The following NOP53 variants were observed in gnomAD, a reference collection of about 807,000 sequenced individuals.
NOP53 encodes the protein ribosome biogenesis protein NOP53.
NOP53 carries 40 observed loss-of-function variants against 61.0 expected under a neutral mutation model. That is an observed-to-expected ratio of 0.66 (90% CI 0.51 to 0.85). The LOEUF is 0.85. Among genes scored for constraint, NOP53 ranks in the 40% least tolerant of loss-of-function variants. The pLI is 0.00. For missense variants in NOP53, 689 were observed against 652.9 expected, an observed-to-expected ratio of 1.06 and a Z score of -0.60; for synonymous variants, 308 against 289.5, an observed-to-expected ratio of 1.06 and a Z score of -0.65.
chr19:47,746,619 G>A (rs527960807), intron 1 of NOP53: 3 of 176,562 alleles, frequency 1.7e-5, no homozygotes, highest in Non-Finnish European at 2.4e-5. Flanking sequence ...CACCCGCCCC[G>A]GCCCCCTAAG....
intron 2 of NOP53, among the ~76,000 whole-genome samples, chr19:47,747,941 C>T (rs144068702): frequency 0.019 from 2,830 of 151,764 alleles, 91 homozygotes; most frequent in African/African-American, 0.065. Context: ...CCACCATGCC[C>T]GGCTAATTTT....
intron 4 of NOP53, 69 bp from the exon 5 acceptor site, chr19:47,751,451 T>TGG: frequency 1.7e-6 from 2 of 1,209,946 alleles, no homozygotes; most frequent in South Asian, 1.2e-5. Flanking sequence ...GTGGAGGGAT[T>TGG]GGGGGGGAGC....
At position 47,754,537 on chromosome 19, in the gene NOP53, C is replaced by A; in HGVS notation, c.776C>A (p.Ser259Ter). 3.9e-6 allele frequency: 6 copies of A among 1,550,392 alleles called. No individual in the cohort carries two copies. Among genetic ancestry groups the A allele is most frequent in the Non-Finnish European group, 5.2e-6 (6 of 1,147,456 alleles). The change falls in exon 7 of 13, where the codon TCA becomes TAA. Residue 259 changes from serine to a stop codon, truncating the protein, a stop_gained. Coordinates refer to ENST00000246802, the MANE Select transcript of NOP53 (RefSeq NM_015710.5). LOFTEE classifies it high-confidence loss of function. The surrounding 1 kb of genome is among the most constrained non-coding windows in gnomAD (Gnocchi z 4.2). ...ACTCCCGCCCCTCAGACCCTGCTCT[C>A]AGCGGCCCACGAGGTGGAGTTGCAG... The part of the protein sequence containing the change: ...PSFEDHQTLL[S>*]AAHEVELQRQ...
intron 9 of NOP53, 47 bp downstream of exon 9, chr19:47,755,570 G>C: frequency 6.9e-7 from 1 of 1,444,868 alleles, no homozygotes; most frequent in Non-Finnish European, 9.2e-7. Flanking sequence ...GAGGGGGCCG[G>C]GTCCCAGGTC....
intron 4 of NOP53, 142 bp downstream of exon 4, chr19:47,751,249 T>A: frequency 1.3e-6 from 1 of 791,548 alleles, no homozygotes; most frequent in East Asian, 2.7e-5. Context: ...TCGTGCGTCC[T>A]GAAGGGGCGG....
intron 3 of NOP53, 34 bp downstream of exon 3, chr19:47,750,320 C>A: frequency 7.5e-7 from 1 of 1,336,694 alleles, no homozygotes; most frequent in Non-Finnish European, 1.1e-6. Flanking sequence ...CCCTTCTTTC[C>A]CACCAGACTC....
In NOP53 at chr19:47,755,482, G is replaced by GGAGGCT. The variant is rs1482637045; in HGVS notation, c.1197_1202dup (p.Glu399_Ala400dup). On this transcript the variant is annotated inframe_insertion, in exon 9 of 13. Transcript: ENST00000246802. ...GGCAGAGGCGGCGGCAGGCGCGGCGGGAGGCTGAGGCTGACAAGCCCCGAA... is the reference window on the plus strand; with the variant it reads ...GGCAGAGGCGGCGGCAGGCGCGGCGGGAGGCTGAGGCTGAGGCTGACAAGCCCCGAA... 1.3e-6 allele frequency: 2 copies of GGAGGCT among 1,484,188 alleles called. No homozygotes were observed. The highest frequency in any genetic ancestry group is 1.8e-6 in the Non-Finnish European group (2 of 1,122,588). 91.9% of individuals were successfully genotyped at this position (1,484,188 alleles called of 1,614,324 possible). A position where few individuals can be genotyped will look rare whatever the true frequency, so the allele number is the denominator to read the frequency against.
chr19:47,750,070 G>A (rs1967105946), intron 2 of NOP53, 108 bp from the exon 3 acceptor site: 1 of 678,778 alleles, frequency 1.5e-6, no homozygotes, highest in Admixed American at 2.3e-5. Flanking sequence ...AGTCTCCTGG[G>A]GTGACTTGGG....
At chr19:47,750,095 G>A (rs1266342220) in intron 2 of NOP53, 83 bp from the exon 3 acceptor site, 11 of 831,340 alleles carry the variant, frequency 1.3e-5, no homozygotes, top group Non-Finnish European at 2.0e-5. Context: ...AGGTCTGATG[G>A]CTCCCATGGA....
chr19:47,745,715 T>C lies in NOP53; in HGVS notation c.156T>C (p.Ala52=). 1 of 1,610,946 alleles carries C rather than the reference T, an allele frequency of 6.2e-7. No homozygotes were observed. The highest frequency in any genetic ancestry group is 8.5e-7 in the Non-Finnish European group (1 of 1,178,682). Residue 52 remains alanine (A), a synonymous_variant, in exon 1 of 13, where the codon GCT becomes GCC. Transcript: ENST00000246802. ...AGAAGCGGGGCTGGCGGCGGCTTGC[T>C]CAGGAGCCGCTGGGGCTGGAGGTTG... The part of the protein sequence containing the change: ...RNKKRGWRRL[A]QEPLGLEVDQ...
intron 5 of NOP53, among the ~76,000 whole-genome samples, 181 bp from the exon 6 acceptor site, chr19:47,752,331 G>A (rs984769412): frequency 6.6e-6 from 1 of 152,156 alleles, no homozygotes; most frequent in Non-Finnish European, 1.5e-5. Flanking sequence ...GTGGGTAGCA[G>A]AGGATAGGCT....
intron 1 of NOP53, chr19:47,746,040 A>C (rs1325361691): frequency 2.0e-6 from 1 of 499,876 alleles, no homozygotes; most frequent in African/African-American, 2.0e-5. Flanking sequence ...GTAAACAATG[A>C]ATAATTTTTA....
intron 8 of NOP53, 105 bp from the exon 9 acceptor site, chr19:47,755,243 T>A (rs1412255937): frequency 1.1e-5 from 8 of 740,448 alleles, no homozygotes; most frequent in Non-Finnish European, 1.6e-5. Flanking sequence ...AGGAAGGGCC[T>A]CCGGGGACAG....
chr19:47,749,796 GC>G (rs1206860422), intron 2 of NOP53, among the ~76,000 whole-genome samples: 5 of 151,872 alleles, frequency 3.3e-5, no homozygotes, highest in African/African-American at 1.2e-4. Flanking sequence ...GCTCAGGCTG[GC>G]ATCAAACTCC....
At chr19:47,746,390 G>C (rs1354314041) in intron 1 of NOP53, 1 of 151,262 alleles carries the variant, frequency 6.6e-6, no homozygotes, top group South Asian at 2.1e-4. Flanking sequence ...TTGAGACGGA[G>C]TCTTTCTCTG....
In NOP53 at chr19:47,754,720, C is replaced by G. The variant is rs1406855798; in HGVS notation, c.882C>G (p.Phe294Leu). 5.2e-6 allele frequency: 8 copies of G among 1,531,004 alleles called. No homozygotes were observed. Among genetic ancestry groups the G allele is most frequent in the Non-Finnish European group, 7.1e-6 (8 of 1,134,648 alleles). The allele number at this position is 1,531,004 out of a possible 1,614,324, so 94.8% of individuals were successfully genotyped here. The change falls in exon 8 of 13, where the codon TTC becomes TTG. Residue 294 changes from phenylalanine to leucine, a missense_variant. Physicochemically the swap from Phe to Leu is conservative, Grantham distance 22 (BLOSUM62 0). Transcript: ENST00000246802. The surrounding 1 kb of genome is among the most constrained non-coding windows in gnomAD (Gnocchi z 4.2). Reference sequence around the variant, plus strand: ...CCCCGCCTCCCCAGGAGTCCACATTCCAGGAGCTGTGCGAGGGGCTGCTGG... The same window carrying G: ...CCCCGCCTCCCCAGGAGTCCACATTGCAGGAGCTGTGCGAGGGGCTGCTGG... ...TEQAATQEST[F>L]QELCEGLLEE...
chr19:47,756,860 C>T, intron 12 of NOP53, 116 bp downstream of exon 12: 1 of 1,500,852 alleles, frequency 6.7e-7, no homozygotes, highest in South Asian at 1.1e-5. Flanking sequence ...ACCCCCTTGG[C>T]CATGCCCAGA....
chr19:47,746,187 T>C (rs995160048), intron 1 of NOP53: 2 of 160,060 alleles, frequency 1.2e-5, no homozygotes, highest in African/African-American at 2.4e-5. Flanking sequence ...TGTATATATA[T>C]GTATATATAT....
At position 47,754,666 on chromosome 19, in the gene NOP53, C is replaced by G. The variant is rs776936802; in HGVS notation, c.870+35C>G. Reference sequence around the variant, plus strand: ...GCACCTGCCCACTCCCTCCCCTCCCCGGGCCTCCTACCCACCCCTGACACT... The same window carrying G: ...GCACCTGCCCACTCCCTCCCCTCCCGGGGCCTCCTACCCACCCCTGACACT... On this transcript the variant is annotated intron_variant, in intron 7 of 12. Transcript: ENST00000246802. The surrounding 1 kb of genome is among the most constrained non-coding windows in gnomAD (Gnocchi z 4.2). The G allele has an allele frequency of 1.3e-6, 2 of 1,542,420 alleles. No individual in the cohort carries two copies. Among genetic ancestry groups the G allele is most frequent in the South Asian group, 1.2e-5 (1 of 83,684 alleles).
Sources: allele counts gnomAD v4.1 joint callset (sites outside exome capture counted in the v4.1 genomes callset), GRCh38; gene constraint gnomAD v4.1.1; non-coding constraint Gnocchi (gnomAD v3.1); transcripts MANE v1.5; gene names NCBI Gene and HGNC (gene_info 2026-07-23, HGNC 2026-07-21).